Variants in SYCP1 observed in about 807,000 individuals in gnomAD.
SYCP1 encodes synaptonemal complex protein 1, also known as cancer/testis antigen 8.
Under a neutral mutation model 153.1 loss-of-function variants are expected in SYCP1, and 64 were observed. The ratio of observed to expected loss-of-function variants is 0.42; its 90% CI spans 0.34 to 0.51. The LOEUF (loss-of-function observed/expected upper bound fraction) is 0.51, where lower values mean the gene tolerates loss of function less well. Ranked by LOEUF, SYCP1 falls within the 20% of genes least tolerant of loss-of-function variation. SYCP1 has a pLI of 0.06. For missense variants in SYCP1, 997 were observed against 1,049.0 expected (o/e 0.95, Z 0.68); for synonymous variants, 384 against 341.8 (o/e 1.12, Z -1.36).
At chr1:114,945,865 T>G (rs1252225574) in intron 25 of SYCP1, among the ~76,000 whole-genome samples, 1 of 152,172 alleles carries the variant, frequency 6.6e-6, no homozygotes, top group African/African-American at 2.4e-5. Flanking sequence ...TGTGCCATGT[T>G]GGTGTGCTGC....
At chr1:114,854,301 AC>A (rs3834097), upstream of SYCP1, among the ~76,000 whole-genome samples, 7,116 of 151,986 alleles carry the variant, frequency 0.047, 197 homozygotes, top group Middle Eastern at 0.075. Context: ...GCACCACCAC[AC>A]CCGGCTATTT....
At chr1:114,892,177 G>A (rs1037845715) in intron 15 of SYCP1, among the ~76,000 whole-genome samples, 1 of 152,126 alleles carries the variant, frequency 6.6e-6, no homozygotes, top group African/African-American at 2.4e-5. Context: ...AGCAGAGATA[G>A]TCCTCGTGGG....
chr1:114,886,206 A>T lies in SYCP1; in HGVS notation c.1087A>T (p.Met363Leu). 4 of 1,612,334 alleles carry T rather than the reference A, an allele frequency of 2.5e-6. No individual in the cohort carries two copies. The highest frequency in any genetic ancestry group is 3.4e-6 in the Non-Finnish European group (4 of 1,179,282). Residue 363 changes from methionine (M) to leucine (L), a missense_variant, in exon 14 of 32, where the codon ATG becomes TTG. Transcript: ENST00000369522. ...CQLTEEKETQ[M>L]EESNKARAAH... ...GCTAACTGAAGAAAAAGAAACTCAA[A>T]TGGAAGAATCTAATAAAGCTAGAGC...
At position 114,977,636 on chromosome 1, in the gene SYCP1, A is replaced by C; in HGVS notation, c.2382+20A>C. ...GACAAGGTAAGAGCATATAATTCTC[A>C]TAGTTTTAAAATACCAATTCATTTT... On this transcript the variant is annotated intron_variant, in intron 28 of 31. Transcript: ENST00000369522. 2.1e-6 allele frequency: 3 copies of C among 1,422,714 alleles called. No individual in the cohort carries two copies. The highest frequency in any genetic ancestry group is 2.8e-6 in the Non-Finnish European group (3 of 1,056,390). 88.1% of individuals were successfully genotyped at this position (1,422,714 alleles called of 1,614,324 possible). A position where few individuals can be genotyped will look rare whatever the true frequency, so the allele number is the denominator to read the frequency against.
chr1:114,981,249 C>T, intron 28 of SYCP1, 87 bp from the exon 29 acceptor site: 1 of 1,043,806 alleles, frequency 9.6e-7, no homozygotes. Context: ...GTTGTGAATT[C>T]TACTAGTTGC....
intron 21 of SYCP1, 135 bp downstream of exon 21, chr1:114,923,665 A>G (rs1254282037): frequency 4.7e-6 from 4 of 853,870 alleles, no homozygotes; most frequent in East Asian, 3.7e-5. Context: ...TCAGCCATCA[A>G]CCTTAAATAT....
At chr1:114,857,615 T>C (rs576030768) in intron 5 of SYCP1, 118 bp downstream of exon 5, 2 of 807,056 alleles carry the variant, frequency 2.5e-6, no homozygotes, top group East Asian at 6.1e-5. Context: ...TTTTAAGATA[T>C]ATCCTTTAAA....
chr1:114,938,490 A>G (rs574913153), intron 23 of SYCP1, among the ~76,000 whole-genome samples: 1 of 152,292 alleles, frequency 6.6e-6, no homozygotes, highest in Non-Finnish European at 1.5e-5. Flanking sequence ...TGGCACATGT[A>G]TATGTATGTA....
chr1:114,943,203 T>C (rs977851235), intron 23 of SYCP1, among the ~76,000 whole-genome samples: 1 of 151,920 alleles, frequency 6.6e-6, no homozygotes, highest in Non-Finnish European at 1.5e-5. Context: ...ATCTTTAAAG[T>C]TGAATATGTA....
intron 27 of SYCP1, among the ~76,000 whole-genome samples, chr1:114,964,413 A>G (rs577607102): frequency 6.6e-6 from 1 of 152,128 alleles, no homozygotes; most frequent in South Asian, 2.1e-4. Flanking sequence ...TTTTGTTGCA[A>G]TTGTTTTTGG....
chr1:114,942,395 A>T (rs772604256), intron 23 of SYCP1, among the ~76,000 whole-genome samples: 2 of 152,022 alleles, frequency 1.3e-5, no homozygotes, highest in Non-Finnish European at 2.9e-5. Context: ...AAAAATGATC[A>T]TATAGGCCAA....
At chr1:114,986,019 AC>A (rs1673479821) in intron 30 of SYCP1, among the ~76,000 whole-genome samples, 1 of 151,996 alleles carries the variant, frequency 6.6e-6, no homozygotes, top group African/African-American at 2.4e-5. Flanking sequence ...ATTATAAGTA[AC>A]CTAGAGATGA....
At chr1:114,858,253 T>C (rs1664148094) in intron 5 of SYCP1, among the ~76,000 whole-genome samples, 2 of 152,152 alleles carry the variant, frequency 1.3e-5, no homozygotes, top group African/African-American at 4.8e-5. Flanking sequence ...TATAGGATGA[T>C]TTATTTTAGC....
At position 114,941,007 on chromosome 1, in the gene SYCP1, AG is replaced by A. The variant is rs574232103; in HGVS notation, c.1927-3331del. On this transcript the variant is annotated intron_variant, in intron 23 of 31. Transcript: ENST00000369522. ...TGTGCAACTTTTTATTACATACGAT[AG>A]AACTTTATGTGTATAGTTGTTCCCT... 1.0e-3 allele frequency among the ~76,000 whole-genome samples: 158 copies of A among 152,300 alleles called. 2 individuals carry two copies. The highest frequency in any genetic ancestry group is 3.7e-3 in the African/African-American group (153 of 41,576).
At chr1:114,939,007 C>CA in intron 23 of SYCP1, among the ~76,000 whole-genome samples, 1 of 151,832 alleles carries the variant, frequency 6.6e-6, no homozygotes, top group East Asian at 1.9e-4. Flanking sequence ...TGTGGTTCCC[C>CA]AAAAAAATAA....
chr1:114,875,641 G>A (rs1665475161), intron 9 of SYCP1, among the ~76,000 whole-genome samples: 1 of 152,116 alleles, frequency 6.6e-6, no homozygotes. Context: ...TAATTAACCT[G>A]ATTTTACAAA....
At position 114,983,044 on chromosome 1, in the gene SYCP1, T is replaced by A. The variant is rs114441845; in HGVS notation, c.2559+1532T>A. Among the ~76,000 whole-genome samples, 901 of 152,158 alleles carry A rather than the reference T, an allele frequency of 5.9e-3. 9 individuals carry two copies. The highest frequency in any genetic ancestry group is 0.02 in the African/African-American group (846 of 41,550). ...TGCCTAGAATGAATAAATTTCCCAA[T>A]CTTTGTCAAAGGTCTCTATTATATG... On this transcript the variant is annotated intron_variant, in intron 29 of 31. Transcript: ENST00000369522.
At chr1:114,901,358 G>A (rs1570732541) in intron 16 of SYCP1, among the ~76,000 whole-genome samples, 1 of 152,186 alleles carries the variant, frequency 6.6e-6, no homozygotes, top group Non-Finnish European at 1.5e-5. Flanking sequence ...ATTAAGCTGA[G>A]TACTCCTTAA....
At chr1:114,965,187 T>C (rs1366534364) in intron 27 of SYCP1, among the ~76,000 whole-genome samples, 1 of 152,188 alleles carries the variant, frequency 6.6e-6, no homozygotes, top group East Asian at 1.9e-4. Context: ...TAAGAATGCT[T>C]GTGATTTTTG....
Sources: allele counts gnomAD v4.1 joint callset (sites outside exome capture counted in the v4.1 genomes callset), GRCh38; gene constraint gnomAD v4.1.1; transcripts MANE v1.5; gene names NCBI Gene and HGNC (gene_info 2026-07-23, HGNC 2026-07-21).